Variants in PRSS55 observed in about 807,000 individuals in gnomAD.
PRSS55 encodes serine protease 55, also known as probable serine protease UNQ9391/PRO34284.
A neutral mutation model predicts 23.6 loss-of-function variants in PRSS55; 41 were observed. The ratio of observed to expected loss-of-function variants is 1.74; its 90% CI spans 1.35 to 2.26. The LOEUF (loss-of-function observed/expected upper bound fraction) is 2.26. Among genes scored for constraint, PRSS55 ranks in the 30% most tolerant of loss-of-function variants. The pLI, the probability that PRSS55 is intolerant of heterozygous loss-of-function variation, is 0.00. For missense variants in PRSS55, 669 were observed against 439.1 expected (o/e 1.52, Z -4.68); for synonymous variants, 262 against 175.5 (o/e 1.49, Z -3.90).
intron 4 of PRSS55, chr8:10,545,076 CT>C: frequency 5.3e-6 from 5 of 939,140 alleles, no homozygotes; most frequent in Non-Finnish European, 6.3e-6. Flanking sequence ...AAGACCAGGG[CT>C]TTTGGTTTTT....
rs1210996805 is a variant in PRSS55, at chr8:10,525,552, T to C, written c.-34T>C. On this transcript the variant is annotated 5_prime_UTR_variant, in exon 1 of 5. Transcript: ENST00000328655. ...GCCTCACTGCCTCAGCCCTGGCCTC[T>C]GTCACCCCCGGGCCCACAGCACAGC... 6.2e-7 allele frequency: 1 copy of C among 1,600,396 alleles called. No homozygotes were observed. Among genetic ancestry groups the C allele is most frequent in the East Asian group, 2.2e-5 (1 of 44,490 alleles).
At chr8:10,547,579 T>C (rs896095880) in intron 4 of PRSS55, 1 of 152,558 alleles carries the variant, frequency 6.6e-6, no homozygotes, top group Non-Finnish European at 1.5e-5. Flanking sequence ...GGTGCTCTGC[T>C]GCTCCGGCCA....
intron 2 of PRSS55, among the ~76,000 whole-genome samples, chr8:10,530,483 G>C (rs1321743195): frequency 6.6e-6 from 1 of 152,158 alleles, no homozygotes; most frequent in Non-Finnish European, 1.5e-5. Context: ...CTCAAAAAAA[G>C]AAAAATAAAC....
exon 5 of PRSS55, chr8:10,554,118 G>A (rs1002783660): frequency 1.2e-6 from 1 of 811,906 alleles, no homozygotes; most frequent in African/African-American, 1.7e-5. Flanking sequence ...ATCTTTGAGG[G>A]TGTTTTCTGT....
intron 4 of PRSS55, among the ~76,000 whole-genome samples, chr8:10,551,419 G>A (rs1264689020): frequency 3.9e-5 from 6 of 152,286 alleles, no homozygotes; most frequent in East Asian, 3.9e-4. Flanking sequence ...GGCAGTGCCC[G>A]GTGGCTGTCT....
intron 4 of PRSS55, among the ~76,000 whole-genome samples, chr8:10,547,040 G>A (rs1033384058): frequency 6.6e-6 from 1 of 152,184 alleles, no homozygotes; most frequent in Non-Finnish European, 1.5e-5. Context: ...CAGCCTCGCT[G>A]TAGCCCAGCA....
intron 4 of PRSS55, among the ~76,000 whole-genome samples, chr8:10,545,442 CACTTA>C (rs1812792483): frequency 6.6e-6 from 1 of 152,192 alleles, no homozygotes; most frequent in Non-Finnish European, 1.5e-5. Context: ...CCACATAACC[CACTTA>C]ACTTTAAGTT....
At chr8:10,534,158 G>C (rs544377811) in intron 4 of PRSS55, among the ~76,000 whole-genome samples, 1 of 152,126 alleles carries the variant, frequency 6.6e-6, no homozygotes, top group East Asian at 1.9e-4. Flanking sequence ...ACACAGAATT[G>C]AGACTTCTGG....
chr8:10,528,032 C>A (rs999074237), intron 1 of PRSS55, among the ~76,000 whole-genome samples: 2 of 152,024 alleles, frequency 1.3e-5, no homozygotes, highest in Non-Finnish European at 2.9e-5. Context: ...GACCAACATA[C>A]AGTGAAACCC....
At chr8:10,533,964 A>G (rs1812365408) in intron 4 of PRSS55, among the ~76,000 whole-genome samples, 1 of 152,184 alleles carries the variant, frequency 6.6e-6, no homozygotes, top group Non-Finnish European at 1.5e-5. Flanking sequence ...GGAGGCAGAA[A>G]GGGAAAAGAG....
intron 4 of PRSS55, among the ~76,000 whole-genome samples, chr8:10,548,789 C>G (rs765034069): frequency 6.6e-6 from 1 of 152,148 alleles, no homozygotes; most frequent in African/African-American, 2.4e-5. Context: ...CCAGGCAGCC[C>G]TCCTGGTCAC....
chr8:10,528,044 G>C (rs1812099498), intron 1 of PRSS55, among the ~76,000 whole-genome samples: 1 of 152,010 alleles, frequency 6.6e-6, no homozygotes, highest in African/African-American at 2.4e-5. Context: ...GTGAAACCCT[G>C]TCTCTACTAA....
chr8:10,526,252 A>G (rs914380156), intron 1 of PRSS55, among the ~76,000 whole-genome samples: 5 of 152,130 alleles, frequency 3.3e-5, no homozygotes, highest in African/African-American at 1.2e-4. Context: ...CCCATGTTTA[A>G]CGCCCACACC....
At chr8:10,551,440 G>A (rs774437654) in intron 4 of PRSS55, among the ~76,000 whole-genome samples, 6 of 152,196 alleles carry the variant, frequency 3.9e-5, no homozygotes, top group South Asian at 2.1e-4. Context: ...TAGGGAGCTC[G>A]ACCTCTGGTG....
intron 4 of PRSS55, among the ~76,000 whole-genome samples, chr8:10,544,304 T>C (rs570093490): frequency 7.2e-4 from 110 of 152,324 alleles, no homozygotes; most frequent in Non-Finnish European, 1.2e-3. Context: ...TTTTTTGTTT[T>C]ACAGTCTATT....
intron 4 of PRSS55, among the ~76,000 whole-genome samples, chr8:10,537,754 A>T (rs1812506100): frequency 6.6e-6 from 1 of 152,226 alleles, no homozygotes; most frequent in Non-Finnish European, 1.5e-5. Flanking sequence ...ATTTAAAATT[A>T]ATAAAAAGAA....
chr8:10,526,312 AGCCT>A (rs1247270174), intron 1 of PRSS55, among the ~76,000 whole-genome samples: 1 of 152,214 alleles, frequency 6.6e-6, no homozygotes, highest in Non-Finnish European at 1.5e-5. Flanking sequence ...AGGAACTCAA[AGCCT>A]GAGGAAGAGG....
intron 1 of PRSS55, 111 bp from the exon 2 acceptor site, chr8:10,529,396 G>A (rs754789556): frequency 5.8e-5 from 62 of 1,076,792 alleles, no homozygotes; most frequent in Non-Finnish European, 8.6e-5. Context: ...TCTAGAATGG[G>A]GATGAGGATA....
chr8:10,542,414 C>CG (rs143347906), downstream of PRSS55, among the ~76,000 whole-genome samples: 36,027 of 79,604 alleles, frequency 0.45, 5,163 homozygotes, highest in East Asian at 0.58. Flanking sequence ...AAGCACCATG[C>CG]GGGGGAAAAA....
Sources: allele counts gnomAD v4.1 joint callset (sites outside exome capture counted in the v4.1 genomes callset), GRCh38; gene constraint gnomAD v4.1.1; transcripts MANE v1.5; gene names NCBI Gene and HGNC (gene_info 2026-07-23, HGNC 2026-07-21).